Variants in LPAR6 observed in about 807,000 individuals in gnomAD.
The protein encoded by LPAR6 is lysophosphatidic acid receptor 6, also known as G-protein coupled purinergic receptor P2Y5.
Under a neutral mutation model 22.0 loss-of-function variants are expected in LPAR6, and 17 were observed. That is an observed-to-expected ratio of 0.77 (90% CI 0.53 to 1.16). The LOEUF is 1.16. LPAR6 is among the 50% of genes most tolerant of loss of function. The probability of loss-of-function intolerance (pLI) is 0.00; values close to 1 mark genes in which losing one functional copy is unlikely to be tolerated. For synonymous variants in LPAR6, 136 were observed against 139.8 expected (o/e 0.97, Z 0.19); for missense variants, 384 against 406.9 (o/e 0.94, Z 0.48).
chr13:48,397,500 C>T (rs986489456), intron 1 of LPAR6, among the ~76,000 whole-genome samples: 2 of 151,806 alleles, frequency 1.3e-5, no homozygotes, highest in African/African-American at 4.8e-5. Context: ...TCAGGGGGTG[C>T]GGGTCTAAGG....
chr13:48,414,403 G>A (rs1948873080), upstream of LPAR6, among the ~76,000 whole-genome samples: 1 of 151,698 alleles, frequency 6.6e-6, no homozygotes, highest in Non-Finnish European at 1.5e-5. Context: ...AGAAGAAAGT[G>A]TGTGTAAGGT....
chr13:48,390,247 A>C (rs1263625787), intron 1 of LPAR6, among the ~76,000 whole-genome samples: 1 of 152,200 alleles, frequency 6.6e-6, no homozygotes, highest in Non-Finnish European at 1.5e-5. Context: ...AGTTGAACGT[A>C]ATGAATTTAA....
intron 1 of LPAR6, among the ~76,000 whole-genome samples, chr13:48,405,581 C>T (rs1948732625): frequency 6.6e-6 from 1 of 152,146 alleles, no homozygotes. Context: ...TCTGTGGCTG[C>T]TTTTGCACTG....
Position 48,412,341 on chromosome 13 carries a change from A to G in LPAR6, c.83T>C (p.Phe28Ser), listed in dbSNP as rs758202256. 7.4e-6 allele frequency: 12 copies of G among 1,613,296 alleles called. No individual in the cohort carries two copies. The Admixed American group carries it at 1.2e-4, about 16-fold the overall frequency. The change falls in exon 1 of 1, where the codon TTT becomes TCT. Residue 28 changes from phenylalanine (F) to serine (S), a missense_variant. By Grantham distance (155) the Phe-to-Ser change is radical (BLOSUM62 -2). Transcript: ENST00000620633. ...TLYGCMFSMV[F>S]VLGLISNCVA... ...ACAATTGGATATTAACCCAAGCACAAACACCATGCTGAACATGCACCCATA... is the reference window on the plus strand; with the variant it reads ...ACAATTGGATATTAACCCAAGCACAGACACCATGCTGAACATGCACCCATA...
chr13:48,393,117 C>T (rs145483921), intron 1 of LPAR6, among the ~76,000 whole-genome samples: 1 of 152,296 alleles, frequency 6.6e-6, no homozygotes, highest in African/African-American at 2.4e-5. Context: ...CTTCCTGACC[C>T]TGTGTCAGCT....
At chr13:48,436,870 A>G (rs1593515883) in intron 1 of LPAR6, among the ~76,000 whole-genome samples, 1 of 152,194 alleles carries the variant, frequency 6.6e-6, no homozygotes, top group Non-Finnish European at 1.5e-5. Context: ...TGTAGTTCTA[A>G]TAATATTCCT....
rs1657222293 is a variant in LPAR6 at position 48,412,984 on chromosome 13, G to C, written c.-561C>G. On this transcript the variant is annotated 5_prime_UTR_variant, in exon 1 of 1. Coordinates refer to ENST00000620633, the MANE Select transcript of LPAR6 (RefSeq NM_001162498.3). ...AGTTTTCCTTTTTTGTTTTCCTGCA[G>C]TGGATCCCAGATTGTGGGTAAGCAG... 5.9e-6 allele frequency: 1 copy of C among 169,240 alleles called. No individual in the cohort carries two copies. The highest frequency in any genetic ancestry group is 2.4e-5 in the African/African-American group (1 of 41,440). 10.5% of individuals were successfully genotyped at this position (169,240 alleles called of 1,614,324 possible). A position where few individuals can be genotyped will look rare whatever the true frequency, so the allele number is the denominator to read the frequency against.
chr13:48,421,896 G>A (rs1949011340), intron 2 of LPAR6, among the ~76,000 whole-genome samples: 2 of 152,184 alleles, frequency 1.3e-5, no homozygotes, highest in South Asian at 4.1e-4. Flanking sequence ...GTGGAGAATA[G>A]GAATGCTTTT....
chr13:48,437,444 A>T (rs198565), intron 1 of LPAR6, among the ~76,000 whole-genome samples: 139,823 of 152,290 alleles, frequency 0.92, 64,961 homozygotes, highest in East Asian at 1. Context: ...TCTCACACAA[A>T]TTCTGAAAGT....
upstream of LPAR6, chr13:48,417,320 C>T (rs1045852821): frequency 1.3e-5 from 2 of 152,570 alleles, no homozygotes; most frequent in South Asian, 4.1e-4. Context: ...TTCCAGCAGA[C>T]CTGCAGCAGA....
chr13:48,433,111 G>T lies in LPAR6; in HGVS notation c.-1473-8992C>A, dbSNP rs1359432012. 4.0e-5 allele frequency among the ~76,000 whole-genome samples: 6 copies of T among 151,898 alleles called. No homozygotes were observed. In the South Asian group the frequency reaches 6.2e-4, roughly 16 times the overall value. ...CCACTGTACATTTTAAACAATATGA[G>T]AAATAAATTAATTTCTGATATGAAC... On this transcript the variant is annotated intron_variant, in intron 1 of 6. Transcript: ENST00000378434.
chr13:48,413,984 A>G (rs1283451062), upstream of LPAR6, among the ~76,000 whole-genome samples: 1 of 152,142 alleles, frequency 6.6e-6, no homozygotes, highest in East Asian at 1.9e-4. Flanking sequence ...CTATATATTG[A>G]AATATATTTC....
rs1949138315 is a variant in LPAR6 at position 48,432,320 on chromosome 13, T to C, written c.-1473-8201A>G. The stretch of plus-strand genomic sequence containing the variant: ...ATGTCCCCAAGATCTTTGGGGCAAA[T>C]AGAAATTTCTAAACAGTATTTCAAC... On this transcript the variant is annotated intron_variant, in intron 1 of 6. Transcript: ENST00000378434. 3.9e-5 allele frequency among the ~76,000 whole-genome samples: 6 copies of C among 152,264 alleles called. No homozygotes were observed. The South Asian group carries it at 1.2e-3, about 32-fold the overall frequency.
downstream of LPAR6, among the ~76,000 whole-genome samples, chr13:48,410,786 C>T (rs1270368136): frequency 6.6e-6 from 1 of 152,112 alleles, no homozygotes; most frequent in Non-Finnish European, 1.5e-5. Flanking sequence ...AAATTGCCTA[C>T]ACAGACCAAA....
chr13:48,440,474 GT>G, intron 1 of LPAR6, among the ~76,000 whole-genome samples: 2 of 152,178 alleles, frequency 1.3e-5, no homozygotes, highest in Middle Eastern at 6.8e-3. Flanking sequence ...TAACTTTAAT[GT>G]TTGTTATTTA....
chr13:48,394,311 A>G (rs1948631645), intron 1 of LPAR6, among the ~76,000 whole-genome samples: 1 of 152,152 alleles, frequency 6.6e-6, no homozygotes, highest in Non-Finnish European at 1.5e-5. Context: ...GGTTTCAAGC[A>G]CAAAACTGGG....
chr13:48,392,326 G>C (rs1948617154), intron 1 of LPAR6, among the ~76,000 whole-genome samples: 1 of 152,090 alleles, frequency 6.6e-6, no homozygotes, highest in Admixed American at 6.5e-5. Flanking sequence ...GGCCAGGCTG[G>C]TCTCGAACTC....
intron 1 of LPAR6, among the ~76,000 whole-genome samples, chr13:48,423,552 A>C (rs1188290902): frequency 6.6e-6 from 1 of 152,250 alleles, no homozygotes; most frequent in Non-Finnish European, 1.5e-5. Flanking sequence ...CCACAATAAG[A>C]CACCGTGTTC....
chr13:48,426,976 C>T (rs1593506956), upstream of LPAR6: 1 of 152,612 alleles, frequency 6.6e-6, no homozygotes, highest in Non-Finnish European at 1.5e-5. Flanking sequence ...CACGTGGTGA[C>T]AATAGGAGCA....
Sources: gnomAD v4.1 joint callset for allele counts (sites outside exome capture counted in the v4.1 genomes callset) on GRCh38, gnomAD v4.1.1 for gene constraint, MANE v1.5 for transcripts, NCBI Gene and HGNC (gene_info 2026-07-23, HGNC 2026-07-21) for gene names.